The following COXFA4L2 variants were observed in gnomAD, a reference collection of about 807,000 sequenced individuals.
COXFA4L2 encodes the protein cytochrome c oxidase hypoxia associated subunit FA4L2.
the COXFA4L2 span, chr12:57,236,141 G>C: frequency 1.2e-5 from 4 of 346,266 alleles, no homozygotes; most frequent in East Asian, 1.8e-4. Flanking sequence ...AAGGGGCTGG[G>C]TTTCTGGTGA....
chr12:57,239,696 T>G, the COXFA4L2 span: 3 of 153,218 alleles, frequency 2.0e-5, no homozygotes, highest in Admixed American at 6.5e-5. This position sits in a 1 kb window ranked among gnomAD's most constrained non-coding sequence, Gnocchi z 5.5. Flanking sequence ...CATCTCTCTC[T>G]TCCCTATTCT....
the COXFA4L2 span, chr12:57,237,272 T>A: frequency 4.2e-5 from 61 of 1,445,884 alleles, no homozygotes; most frequent in Non-Finnish European, 5.4e-5. Context: ...CCAAAGCCTG[T>A]AGGGGAATTG....
the COXFA4L2 span, chr12:57,237,913 G>A: frequency 6.5e-6 from 1 of 154,518 alleles, no homozygotes; most frequent in African/African-American, 2.4e-5. Flanking sequence ...TCGGACAGAT[G>A]CTGAAAGAGA....
the COXFA4L2 span, among the ~76,000 whole-genome samples, chr12:57,239,113 C>G: frequency 2.6e-5 from 4 of 152,254 alleles, no homozygotes; most frequent in Non-Finnish European, 4.4e-5. This position sits in a 1 kb window ranked among gnomAD's most constrained non-coding sequence, Gnocchi z 5.5. Flanking sequence ...GGACTGGACT[C>G]CAAGCGCTAA....
chr12:57,235,262 TC>T, the COXFA4L2 span: 8 of 521,370 alleles, frequency 1.5e-5, no homozygotes, highest in Middle Eastern at 5.1e-4. Flanking sequence ...GCCACACCCT[TC>T]GAGGCCCGGG....
chr12:57,239,603 C>T, the COXFA4L2 span: 2 of 152,560 alleles, frequency 1.3e-5, no homozygotes, highest in Admixed American at 1.3e-4. This position sits in a 1 kb window ranked among gnomAD's most constrained non-coding sequence, Gnocchi z 5.5. Context: ...CCCTCTGACC[C>T]GGCCTGTCCT....
chr12:57,238,107 C>T, the COXFA4L2 span, among the ~76,000 whole-genome samples: 1 of 152,116 alleles, frequency 6.6e-6, no homozygotes, highest in Non-Finnish European at 1.5e-5. The surrounding 1 kb of genome is among the most constrained non-coding windows in gnomAD (Gnocchi z 6.8). Context: ...CACCCCCTCC[C>T]TCCTCGCAGC....
At chr12:57,238,365 A>T in the COXFA4L2 span, among the ~76,000 whole-genome samples, 1 of 152,196 alleles carries the variant, frequency 6.6e-6, no homozygotes, top group African/African-American at 2.4e-5. This position sits in a 1 kb window ranked among gnomAD's most constrained non-coding sequence, Gnocchi z 6.8. Flanking sequence ...AGTGTCAGAG[A>T]CACGGCGAGA....
the COXFA4L2 span, chr12:57,236,221 T>C: frequency 4.1e-4 from 135 of 330,958 alleles, no homozygotes; most frequent in African/African-American, 2.7e-3. Context: ...GGGTGTGAAA[T>C]CTCCGCCCCA....
the COXFA4L2 span, chr12:57,237,312 ACT>A: frequency 4.9e-6 from 7 of 1,419,822 alleles, no homozygotes; most frequent in Non-Finnish European, 5.5e-6. Context: ...CTGCTCTCCG[ACT>A]CTCTCCTCCA....
At chr12:57,237,351 C>T in the COXFA4L2 span, 1 of 1,396,590 alleles carries the variant, frequency 7.2e-7, no homozygotes, top group Non-Finnish European at 9.3e-7. Context: ...CCAAGGGACA[C>T]CATCATTCTT....
the COXFA4L2 span, chr12:57,236,490 G>A: frequency 6.2e-6 from 6 of 973,310 alleles, no homozygotes; most frequent in African/African-American, 5.0e-5. Context: ...CGGTACAGTC[G>A]AAGGTGCATG....
chr12:57,236,204 C>A, the COXFA4L2 span: 9 of 325,416 alleles, frequency 2.8e-5, no homozygotes, highest in Non-Finnish European at 5.0e-5. Context: ...GGACCCTCTC[C>A]GCGGCCGGGT....
At chr12:57,240,715 G>C in the COXFA4L2 span, 1 of 984,976 alleles carries the variant, frequency 1.0e-6, no homozygotes, top group African/African-American at 1.8e-5. Context: ...CACACTCCCC[G>C]CTGGCTCTTC....
chr12:57,235,627 GAGAGGGAA>G, the COXFA4L2 span: 10 of 1,614,050 alleles, frequency 6.2e-6, no homozygotes, highest in Non-Finnish European at 8.5e-6. Context: ...GAACTAAGAG[GAGAGGGAA>G]AGGGGGTTGC....
chr12:57,237,304 G>A, the COXFA4L2 span: 1 of 1,429,634 alleles, frequency 7.0e-7, no homozygotes, highest in East Asian at 2.5e-5. Context: ...AGTGGTTTCT[G>A]CTCTCCGACT....
chr12:57,239,017 C>G, the COXFA4L2 span, among the ~76,000 whole-genome samples: 3 of 152,238 alleles, frequency 2.0e-5, no homozygotes, highest in Admixed American at 6.5e-5. The surrounding 1 kb of genome is among the most constrained non-coding windows in gnomAD (Gnocchi z 5.5). Context: ...TTTCCCACCA[C>G]GAGGACTCAG....
At chr12:57,240,660 G>A in the COXFA4L2 span, 1 of 985,228 alleles carries the variant, frequency 1.0e-6, no homozygotes, top group African/African-American at 1.7e-5. Context: ...CCTACGCACT[G>A]TCACTGAGAC....
the COXFA4L2 span, chr12:57,235,180 C>T: frequency 3.9e-6 from 1 of 255,126 alleles, no homozygotes; most frequent in East Asian, 8.3e-5. Context: ...GTGGAGCCCG[C>T]CACGTCGCTT....
Sources: gnomAD v4.1 joint callset for allele counts (sites outside exome capture counted in the v4.1 genomes callset) on GRCh38, gnomAD v4.1.1 for gene constraint, Gnocchi (gnomAD v3.1) non-coding constraint, MANE v1.5 for transcripts, NCBI Gene and HGNC (gene_info 2026-07-23, HGNC 2026-07-21) for gene names.